ELAPOR2: variants seen among roughly 807,000 people sequenced by gnomAD.
ELAPOR2 encodes the protein endosome-lysosome associated apoptosis and autophagy regulator family member 2.
Under a neutral mutation model 120.7 loss-of-function variants are expected in ELAPOR2, and 89 were observed. That is an observed-to-expected ratio of 0.74 (90% CI 0.62 to 0.88). The LOEUF (loss-of-function observed/expected upper bound fraction) is 0.88, where lower values mean the gene tolerates loss of function less well. Ranked by LOEUF, ELAPOR2 falls within the 40% of genes least tolerant of loss-of-function variation. The probability of loss-of-function intolerance (pLI) is 0.00; values close to 1 mark genes in which losing one functional copy is unlikely to be tolerated. For missense variants in ELAPOR2, 1,134 were observed against 1,251.6 expected (o/e 0.91, Z 1.42); for synonymous variants, 444 against 444.9 (o/e 1.00, Z 0.03).
chr7:86,975,191 TCAGA>T (rs1792243563), intron 1 of ELAPOR2, among the ~76,000 whole-genome samples: 1 of 152,160 alleles, frequency 6.6e-6, no homozygotes. Context: ...CTGGCAGATC[TCAGA>T]CAGAAAAAAA....
chr7:87,025,446 C>A (rs2116714211), intron 1 of ELAPOR2, among the ~76,000 whole-genome samples: 1 of 152,230 alleles, frequency 6.6e-6, no homozygotes. Flanking sequence ...CTAAACCAGT[C>A]TCTTTCTTTG....
intron 1 of ELAPOR2, among the ~76,000 whole-genome samples, chr7:87,005,424 T>C (rs7780140): frequency 0.38 from 57,463 of 151,874 alleles, 11,721 homozygotes; most frequent in African/African-American, 0.53. Flanking sequence ...GATCCACACA[T>C]GACATATTTC....
At chr7:87,010,923 T>C (rs1273634879) in intron 1 of ELAPOR2, among the ~76,000 whole-genome samples, 5 of 151,964 alleles carry the variant, frequency 3.3e-5, no homozygotes, top group African/African-American at 1.2e-4. Context: ...ATAAAGGCTT[T>C]GGAAAATAAA....
chr7:86,963,877 C>T (rs1791808498), intron 2 of ELAPOR2, among the ~76,000 whole-genome samples: 1 of 152,166 alleles, frequency 6.6e-6, no homozygotes, highest in Non-Finnish European at 1.5e-5. Context: ...TTCACCTGCC[C>T]ACTTGAGGGG....
intron 1 of ELAPOR2, among the ~76,000 whole-genome samples, chr7:87,057,618 CA>C (rs1236620326): frequency 6.6e-6 from 1 of 152,200 alleles, no homozygotes; most frequent in Non-Finnish European, 1.5e-5. Context: ...GACCTGTGAT[CA>C]AGTGAACCCA....
intron 2 of ELAPOR2, among the ~76,000 whole-genome samples, chr7:86,952,323 A>G (rs899298928): frequency 6.6e-6 from 1 of 152,236 alleles, no homozygotes; most frequent in Admixed American, 6.5e-5. Flanking sequence ...ACTGAGCCAC[A>G]GTGCATTTAA....
At chr7:86,914,229 G>T (rs1209690928) in intron 13 of ELAPOR2, among the ~76,000 whole-genome samples, 1 of 152,116 alleles carries the variant, frequency 6.6e-6, no homozygotes, top group Non-Finnish European at 1.5e-5. Context: ...TTCTGGCAGG[G>T]AAAATAAAAG....
intron 1 of ELAPOR2, among the ~76,000 whole-genome samples, chr7:86,977,762 T>G (rs1487602725): frequency 6.6e-6 from 1 of 152,166 alleles, no homozygotes; most frequent in Non-Finnish European, 1.5e-5. Flanking sequence ...GTGAAGCACA[T>G]AAAAACCTAT....
rs562544517 is a variant in ELAPOR2, at chr7:86,939,039, C to A, written c.848-79G>T. 1.6e-5 allele frequency: 23 copies of A among 1,482,864 alleles called. No individual in the cohort carries two copies. The South Asian group carries it at 2.1e-4, about 14-fold the overall frequency. 91.9% of individuals were successfully genotyped at this position (1,482,864 alleles called of 1,614,324 possible). A position where few individuals can be genotyped will look rare whatever the true frequency, so the allele number is the denominator to read the frequency against. ...AATCAGCACCTACTTCTGCTTCTAC[C>A]CAGAAGTGAGGGAGATATATGAACA... is the stretch of plus-strand genomic sequence containing the variant. On this transcript the variant is annotated intron_variant, in intron 6 of 21. Coordinates refer to ENST00000450689, the MANE Select transcript of ELAPOR2 (RefSeq NM_001142749.3).
At chr7:86,917,579 A>G (rs546619217) in intron 12 of ELAPOR2, among the ~76,000 whole-genome samples, 42 of 152,318 alleles carry the variant, frequency 2.8e-4, no homozygotes, top group Middle Eastern at 3.4e-3. Flanking sequence ...ATAAGGAGGC[A>G]GACTTGGGAG....
rs1799241721 is a variant in ELAPOR2 at position 86,878,167 on chromosome 7, A to G, written c.*2304T>C. 1 of 152,196 alleles carries G rather than the reference A, an allele frequency of 6.6e-6. No homozygotes were observed. Among genetic ancestry groups the G allele is most frequent in the Admixed American group, 6.5e-5 (1 of 15,278 alleles). 9.4% of individuals were successfully genotyped at this position (152,196 alleles called of 1,614,324 possible). On this transcript the variant is annotated 3_prime_UTR_variant, in exon 22 of 22. Transcript: ENST00000450689. ...ATCAAAAGTCACAGAAACATGATTA[A>G]TTTATTCCTTTCAACATTTCACTGA...
chr7:86,971,718 C>T (rs117147679), intron 1 of ELAPOR2, among the ~76,000 whole-genome samples: 1 of 152,070 alleles, frequency 6.6e-6, no homozygotes, highest in Admixed American at 6.6e-5. Context: ...ACAATTATTT[C>T]TGGAAGATGA....
At chr7:86,954,070 G>C (rs1421116204) in intron 2 of ELAPOR2, among the ~76,000 whole-genome samples, 1 of 152,032 alleles carries the variant, frequency 6.6e-6, no homozygotes, top group African/African-American at 2.4e-5. Context: ...ATATTAGTCC[G>C]TCCCCAAGTA....
At chr7:87,013,151 A>G (rs1421717913) in intron 1 of ELAPOR2, among the ~76,000 whole-genome samples, 1 of 152,232 alleles carries the variant, frequency 6.6e-6, no homozygotes, top group African/African-American at 2.4e-5. Context: ...AAAATGGCCA[A>G]GAAGGGTCTA....
At chr7:87,008,781 G>A (rs926230886) in intron 1 of ELAPOR2, among the ~76,000 whole-genome samples, 13 of 152,318 alleles carry the variant, frequency 8.5e-5, no homozygotes, top group African/African-American at 2.2e-4. Flanking sequence ...GAGACAGAGA[G>A]AGAGAATGAG....
intron 1 of ELAPOR2, among the ~76,000 whole-genome samples, chr7:86,974,761 A>C (rs560359881): frequency 6.6e-6 from 1 of 152,230 alleles, no homozygotes; most frequent in East Asian, 1.9e-4. Flanking sequence ...CCCTCAGTTC[A>C]GTTAACTGCT....
chr7:87,042,933 C>T (rs1421831608), intron 1 of ELAPOR2, among the ~76,000 whole-genome samples: 1 of 152,124 alleles, frequency 6.6e-6, no homozygotes, highest in African/African-American at 2.4e-5. Flanking sequence ...GGGGATATCA[C>T]CACCGATCCC....
chr7:86,976,292 G>A (rs1160479908), intron 1 of ELAPOR2, among the ~76,000 whole-genome samples: 1 of 152,086 alleles, frequency 6.6e-6, no homozygotes, highest in East Asian at 1.9e-4. Context: ...AAACATGCAG[G>A]CTAAAACTAT....
chr7:87,045,923 T>C (rs764122314), intron 1 of ELAPOR2, among the ~76,000 whole-genome samples: 38 of 152,092 alleles, frequency 2.5e-4, no homozygotes, highest in Non-Finnish European at 4.7e-4. Flanking sequence ...GTCACCACTG[T>C]TATTCACCAT....
Sources: gnomAD v4.1 joint callset for allele counts (sites outside exome capture counted in the v4.1 genomes callset) on GRCh38, gnomAD v4.1.1 for gene constraint, MANE v1.5 for transcripts, NCBI Gene and HGNC (gene_info 2026-07-23, HGNC 2026-07-21) for gene names.